Variants in LSAMP observed in about 807,000 individuals in gnomAD.
The protein encoded by LSAMP is limbic system associated membrane protein, also known as limbic system-associated membrane protein.
LSAMP carries 7 observed loss-of-function variants against 38.6 expected under a neutral mutation model. The observed-to-expected ratio is 0.18, with a 90% CI of 0.10 to 0.34. LSAMP has a LOEUF of 0.34. LSAMP is among the 10% of genes least tolerant of loss of function. LSAMP has a pLI of 1.00. For synonymous variants in LSAMP, 154 were observed against 166.8 expected, an observed-to-expected ratio of 0.92 and a Z score of 0.59; for missense variants, 313 against 420.0, an observed-to-expected ratio of 0.75 and a Z score of 2.23.
intron 3 of LSAMP, among the ~76,000 whole-genome samples, chr3:115,959,071 G>GTCT (rs1449239316): frequency 3.3e-5 from 5 of 152,192 alleles, no homozygotes; most frequent in African/African-American, 1.2e-4. Context: ...TTATAGATTT[G>GTCT]TCTCCTGATC....
At chr3:115,905,834 G>T (rs1454864287) in intron 3 of LSAMP, among the ~76,000 whole-genome samples, 1 of 152,120 alleles carries the variant, frequency 6.6e-6, no homozygotes, top group Non-Finnish European at 1.5e-5. Flanking sequence ...TCATTCTAGG[G>T]CATCAGGAAC....
intron 1 of LSAMP, among the ~76,000 whole-genome samples, chr3:116,345,397 G>C (rs1218667711): frequency 6.6e-6 from 1 of 152,216 alleles, no homozygotes; most frequent in African/African-American, 2.4e-5. Context: ...GGGTCATCTG[G>C]AGAAATGAGA....
At chr3:115,924,883 C>A (rs1030629455) in intron 3 of LSAMP, among the ~76,000 whole-genome samples, 5 of 152,200 alleles carry the variant, frequency 3.3e-5, no homozygotes, top group Non-Finnish European at 7.3e-5. Context: ...AGAAAATCCC[C>A]TACACTTTGA....
At chr3:116,253,214 A>C (rs2046707689) in intron 1 of LSAMP, among the ~76,000 whole-genome samples, 1 of 88,836 alleles carries the variant, frequency 1.1e-5, no homozygotes, top group Non-Finnish European at 2.6e-5. Flanking sequence ...CAGAATACGG[A>C]AAATAAATAC....
chr3:115,825,713 T>C (rs1354934897), intron 6 of LSAMP, among the ~76,000 whole-genome samples: 2 of 152,234 alleles, frequency 1.3e-5, no homozygotes, highest in African/African-American at 4.8e-5. Context: ...GAAATTATCT[T>C]TATTTTTTAA....
rs2107432567 is a variant in LSAMP at position 115,803,234 on chromosome 3, T to A, written c.*7083A>T. ...TCCCATGGACAGGTCATTCTCCCAC[T>A]TAGAGAGAGCTTCATAAGTAATCTA... is the stretch of plus-strand genomic sequence containing the variant. On this transcript the variant is annotated 3_prime_UTR_variant, in exon 7 of 7. Transcript: ENST00000490035. 6.6e-6 allele frequency: 1 copy of A among 152,314 alleles called. No homozygotes were observed. Among genetic ancestry groups the A allele is most frequent in the East Asian group, 1.9e-4 (1 of 5,182 alleles). 9.4% of individuals were successfully genotyped at this position (152,314 alleles called of 1,614,324 possible).
At chr3:116,343,363 C>T (rs2048022267) in intron 1 of LSAMP, among the ~76,000 whole-genome samples, 1 of 152,118 alleles carries the variant, frequency 6.6e-6, no homozygotes, top group Admixed American at 6.6e-5. Flanking sequence ...CACCCTAGAT[C>T]TGCCACTGAC....
rs182914559 is a variant in LSAMP, at chr3:116,104,710, G to A, written c.156-18154C>T. 4.7e-3 allele frequency among the ~76,000 whole-genome samples: 710 copies of A among 152,192 alleles called. 32 individuals carry two copies. Among genetic ancestry groups the A allele is most frequent in the Admixed American group, 0.044 (678 of 15,284 alleles). ...TCCACTCGCAAGTGAACTACCTCAC[G>A]TCTCTCCAAAATTGAGAAATGCAAT... is the stretch of plus-strand genomic sequence containing the variant. On this transcript the variant is annotated intron_variant, in intron 1 of 6. Coordinates refer to ENST00000490035, the MANE Select transcript of LSAMP (RefSeq NM_002338.5).
intron 1 of LSAMP, among the ~76,000 whole-genome samples, chr3:116,137,024 A>C (rs761247472): frequency 2.0e-5 from 3 of 152,112 alleles, no homozygotes; most frequent in African/African-American, 7.2e-5. Context: ...TTTAGGGAAG[A>C]ATCCTTCTTT....
intron 1 of LSAMP, among the ~76,000 whole-genome samples, chr3:116,194,858 A>T (rs1039595277): frequency 6.6e-6 from 1 of 152,228 alleles, no homozygotes; most frequent in Non-Finnish European, 1.5e-5. Context: ...AGATTTGAAA[A>T]AACAAAGTAG....
At chr3:115,828,376 T>C (rs927790206) in intron 6 of LSAMP, among the ~76,000 whole-genome samples, 6 of 152,210 alleles carry the variant, frequency 3.9e-5, no homozygotes, top group Non-Finnish European at 8.8e-5. Context: ...CTCTATGTAC[T>C]ACCACTTTTT....
In LSAMP at chr3:115,839,270, C is replaced by T. The variant is rs866123876; in HGVS notation, c.919+2575G>A. Among the ~76,000 whole-genome samples, 307 of 94,812 alleles carry T rather than the reference C, an allele frequency of 3.2e-3. 2 individuals are homozygous for T. The highest frequency in any genetic ancestry group is 7.8e-3 in the African/African-American group (161 of 20,714). The allele number at this position is 94,812 out of a possible 152,430, so 62.2% of individuals were successfully genotyped here. ...CCTTCCTTCCTTCTTTCTTTCCTTCCTTCCTTCCTTCCTTCCTTCCTTCCT... is the reference window on the plus strand; with the variant it reads ...CCTTCCTTCCTTCTTTCTTTCCTTCTTTCCTTCCTTCCTTCCTTCCTTCCT... On this transcript the variant is annotated intron_variant, in intron 6 of 6. Coordinates refer to ENST00000490035, the MANE Select transcript of LSAMP (RefSeq NM_002338.5).
chr3:116,272,671 T>TTCATC (rs1559807882), intron 1 of LSAMP, among the ~76,000 whole-genome samples: 1 of 152,118 alleles, frequency 6.6e-6, no homozygotes, highest in East Asian at 1.9e-4. Flanking sequence ...GGAATAACTA[T>TTCATC]TCATCTCCTG....
intron 1 of LSAMP, among the ~76,000 whole-genome samples, chr3:116,229,078 T>C (rs936901827): frequency 1.3e-5 from 2 of 152,150 alleles, no homozygotes; most frequent in Non-Finnish European, 2.9e-5. Context: ...TTTTGAAGTA[T>C]GGTTTGTAAG....
chr3:115,965,096 G>A (rs1237063808), intron 3 of LSAMP, among the ~76,000 whole-genome samples: 1 of 152,048 alleles, frequency 6.6e-6, no homozygotes, highest in Non-Finnish European at 1.5e-5. Context: ...AATACGATAT[G>A]AGAGAGGGTC....
In LSAMP at chr3:116,342,813, A is replaced by G. The variant is rs370346614; in HGVS notation, c.155+102064T>C. On this transcript the variant is annotated intron_variant, in intron 1 of 6. Coordinates refer to ENST00000490035, the MANE Select transcript of LSAMP (RefSeq NM_002338.5). ...GTTACAACGGTCCAAGATATGCTCTATTGGAAGCATAGATGCAAGAGAAAT... is the reference window on the plus strand; with the variant it reads ...GTTACAACGGTCCAAGATATGCTCTGTTGGAAGCATAGATGCAAGAGAAAT... 3.9e-5 allele frequency among the ~76,000 whole-genome samples: 6 copies of G among 152,240 alleles called. No homozygotes were observed. In the East Asian group the frequency reaches 7.7e-4, roughly 20 times the overall value.
intron 1 of LSAMP, among the ~76,000 whole-genome samples, chr3:116,267,117 C>T (rs1286265143): frequency 1.3e-5 from 2 of 152,154 alleles, no homozygotes; most frequent in East Asian, 3.9e-4. Context: ...AAGTAGACTC[C>T]CACTGTATAC....
At chr3:116,202,250 C>T (rs7624819) in intron 1 of LSAMP, among the ~76,000 whole-genome samples, 14,239 of 151,950 alleles carry the variant, frequency 0.094, 950 homozygotes, top group African/African-American at 0.19. Flanking sequence ...ATTCTCCTGC[C>T]TCAGCCTCCT....
intron 1 of LSAMP, among the ~76,000 whole-genome samples, chr3:116,239,638 C>G (rs867269810): frequency 6.6e-6 from 1 of 152,112 alleles, no homozygotes; most frequent in Middle Eastern, 3.4e-3. Context: ...TCAGGAAGGA[C>G]CAAACAGAAC....
Sources: allele counts gnomAD v4.1 joint callset (sites outside exome capture counted in the v4.1 genomes callset), GRCh38; gene constraint gnomAD v4.1.1; transcripts MANE v1.5; gene names NCBI Gene and HGNC (gene_info 2026-07-23, HGNC 2026-07-21).